NKD1: variants seen among roughly 807,000 people sequenced by gnomAD.
The protein encoded by NKD1 is protein naked cuticle homolog 1.
Under a neutral mutation model 56.0 loss-of-function variants are expected in NKD1, and 21 were observed. That is an observed-to-expected ratio of 0.38 (90% CI 0.27 to 0.54). The LOEUF is 0.54. Ranked by LOEUF, NKD1 falls within the 20% of genes least tolerant of loss-of-function variation. The pLI is 0.82. For synonymous variants in NKD1, 263 were observed against 265.7 expected (o/e 0.99, Z 0.10); for missense variants, 578 against 642.7 (o/e 0.90, Z 1.09).
At chr16:50,630,358 G>T (rs1320225686) in intron 7 of NKD1, 25 bp downstream of exon 7, 1 of 1,612,310 alleles carries the variant, frequency 6.2e-7, no homozygotes, top group Middle Eastern at 1.7e-4. Flanking sequence ...GCTGAGCCTG[G>T]GAAACAATGT....
Position 50,621,596 on chromosome 16 carries a change from C to T in NKD1, c.260-6C>T, listed in dbSNP as rs150964437. 1.4e-4 allele frequency: 228 copies of T among 1,611,100 alleles called. No individual in the cohort carries two copies. The highest frequency in any genetic ancestry group is 9.5e-4 in the African/African-American group (71 of 75,036). On this transcript the variant is annotated splice_region_variant and splice_polypyrimidine_tract_variant and intron_variant, in intron 4 of 9. Coordinates refer to ENST00000268459, the MANE Select transcript of NKD1 (RefSeq NM_033119.5). ...CCTAATGCTCCCTCGCCTGCCTCCC[C>T]GACAGTGGCCCTGCCTCCTGAGAAG...
chr16:50,565,100 G>A (rs1254306274), intron 3 of NKD1, among the ~76,000 whole-genome samples: 2 of 152,214 alleles, frequency 1.3e-5, no homozygotes, highest in East Asian at 3.8e-4. Context: ...TAGAGGCTGG[G>A]TGTGGTGGCT....
intron 3 of NKD1, among the ~76,000 whole-genome samples, chr16:50,582,645 C>T (rs1008804262): frequency 1.3e-5 from 2 of 152,232 alleles, no homozygotes; most frequent in African/African-American, 2.4e-5. Context: ...GGGAATACAC[C>T]ATTTGTTTAC....
At chr16:50,613,382 T>G (rs562365927) in intron 4 of NKD1, among the ~76,000 whole-genome samples, 1 of 152,052 alleles carries the variant, frequency 6.6e-6, no homozygotes, top group South Asian at 2.1e-4. Flanking sequence ...GGCGGTGGCT[T>G]CCCAGGAAGG....
intron 3 of NKD1, chr16:50,574,995 C>T (rs1188397672): frequency 1.7e-5 from 17 of 985,148 alleles, no homozygotes; most frequent in Non-Finnish European, 2.0e-5. Context: ...TGGTGCTTCT[C>T]ACAGCTTGAT....
intron 3 of NKD1, chr16:50,571,437 C>T (rs939950397): frequency 1.9e-5 from 19 of 979,604 alleles, no homozygotes; most frequent in East Asian, 1.1e-4. Flanking sequence ...TCAAGTGCTC[C>T]GAAGACCTGG....
At chr16:50,580,098 A>G (rs1056160027) in intron 3 of NKD1, among the ~76,000 whole-genome samples, 2 of 151,848 alleles carry the variant, frequency 1.3e-5, no homozygotes, top group African/African-American at 2.4e-5. Flanking sequence ...CCCACTAAGC[A>G]TGCACCCCAA....
At position 50,549,509 on chromosome 16, in the gene NKD1, G is replaced by A; in HGVS notation, c.146G>A (p.Gly49Glu). The A allele has an allele frequency of 6.2e-7, 1 of 1,608,684 alleles. No individual in the cohort carries two copies. Among genetic ancestry groups the A allele is most frequent in the Non-Finnish European group, 8.5e-7 (1 of 1,177,454 alleles). Residue 49 changes from glycine to glutamate, a missense_variant, in exon 3 of 10, where the codon GGA becomes GAA. Transcript: ENST00000268459. ...CAGCGCTGCCCGGGCGGTGTCTCGG[G>A]ACCCCGACAGCTGCGGTTGGCGGGC... ...GRQRCPGGVSGPRQLRLAGTI... is the reference protein window; with the variant it reads ...GRQRCPGGVSEPRQLRLAGTI...
intron 3 of NKD1, among the ~76,000 whole-genome samples, chr16:50,601,202 G>A (rs1311456564): frequency 6.6e-6 from 1 of 152,242 alleles, no homozygotes; most frequent in Non-Finnish European, 1.5e-5. Context: ...GGCAGCAGGA[G>A]CTCGCTCCAC....
In NKD1 at chr16:50,629,875, G is replaced by A. The variant is rs1962304056; in HGVS notation, c.463-311G>A. 2.0e-5 allele frequency among the ~76,000 whole-genome samples: 3 copies of A among 152,326 alleles called. No individual in the cohort carries two copies. In the South Asian group the frequency reaches 6.2e-4, roughly 32 times the overall value. On this transcript the variant is annotated intron_variant, in intron 6 of 9. Transcript: ENST00000268459. Reference sequence around the variant, plus strand: ...CTAAACCCTCCCTCTATCTAGAAGAGGCTGTTCCAAGGTGGGCTCCACACA... The same window carrying A: ...CTAAACCCTCCCTCTATCTAGAAGAAGCTGTTCCAAGGTGGGCTCCACACA...
chr16:50,628,325 C>T (rs1962268443), intron 6 of NKD1, among the ~76,000 whole-genome samples: 1 of 152,248 alleles, frequency 6.6e-6, no homozygotes, highest in African/African-American at 2.4e-5. Flanking sequence ...GTCAGCGCCT[C>T]TGTCGGCCCC....
chr16:50,579,915 A>C (rs1961080210), intron 3 of NKD1, among the ~76,000 whole-genome samples: 2 of 152,048 alleles, frequency 1.3e-5, no homozygotes, highest in African/African-American at 2.4e-5. Context: ...CCACACATGC[A>C]CTGTTTTGGT....
At chr16:50,555,834 A>G (rs1457605060) in intron 3 of NKD1, 1 of 152,180 alleles carries the variant, frequency 6.6e-6, no homozygotes, top group Admixed American at 6.6e-5. Flanking sequence ...TGGATTCCAA[A>G]CCAGGCACTT....
At chr16:50,596,766 AG>A (rs1282728858) in intron 3 of NKD1, among the ~76,000 whole-genome samples, 1 of 152,142 alleles carries the variant, frequency 6.6e-6, no homozygotes, top group Admixed American at 6.6e-5. Context: ...ATTGTGGGAG[AG>A]GGGGCTGCAG....
At chr16:50,612,252 G>T (rs1337910408) in intron 4 of NKD1, among the ~76,000 whole-genome samples, 1 of 152,220 alleles carries the variant, frequency 6.6e-6, no homozygotes, top group African/African-American at 2.4e-5. Flanking sequence ...GGGCCAGTCT[G>T]TCCAGGCTCC....
intron 3 of NKD1, among the ~76,000 whole-genome samples, chr16:50,585,506 T>C (rs899867984): frequency 6.6e-6 from 1 of 152,314 alleles, no homozygotes; most frequent in African/African-American, 2.4e-5. Context: ...GCAGGCCCGA[T>C]GGGGGACGTG....
At position 50,632,477 on chromosome 16, in the gene NKD1, TGC is replaced by T. The variant is rs1331681458; in HGVS notation, c.823+71_823+72del. On this transcript the variant is annotated intron_variant, in intron 9 of 9. Transcript: ENST00000268459. This position sits in a 1 kb window ranked among gnomAD's most constrained non-coding sequence, Gnocchi z 4.1. ...GTGGCTGGACGGGCCAGGCGGGCCG[TGC>T]GGGTGGTGTTCACTGCTACCCCAGG... 20 of 1,548,856 alleles carry T rather than the reference TGC, an allele frequency of 1.3e-5. No individual in the cohort carries two copies. The highest frequency in any genetic ancestry group is 1.8e-5 in the Non-Finnish European group (20 of 1,124,790).
intron 4 of NKD1, among the ~76,000 whole-genome samples, chr16:50,612,693 C>T (rs1961873144): frequency 6.6e-6 from 1 of 152,080 alleles, no homozygotes; most frequent in South Asian, 2.1e-4. Context: ...AGGGGGAGAG[C>T]AGCTATGAGT....
Position 50,603,925 on chromosome 16 carries a change from G to T in NKD1, c.193-4369G>T, listed in dbSNP as rs924897858. 1.8e-4 allele frequency among the ~76,000 whole-genome samples: 27 copies of T among 152,342 alleles called. No homozygotes were observed. The Middle Eastern group carries it at 0.01, about 58-fold the overall frequency. ...GGACTTAGGAAGGTAGCACATCTGGGCATGTGGCCTGAGGGGCCACCAATC... is the reference window on the plus strand; with the variant it reads ...GGACTTAGGAAGGTAGCACATCTGGTCATGTGGCCTGAGGGGCCACCAATC... On this transcript the variant is annotated intron_variant, in intron 3 of 9. Transcript: ENST00000268459.
Sources: gnomAD v4.1 joint callset for allele counts (sites outside exome capture counted in the v4.1 genomes callset) on GRCh38, gnomAD v4.1.1 for gene constraint, Gnocchi (gnomAD v3.1) non-coding constraint, MANE v1.5 for transcripts, NCBI Gene and HGNC (gene_info 2026-07-23, HGNC 2026-07-21) for gene names.